SLC44A1: variants seen among roughly 807,000 people sequenced by gnomAD.
The protein encoded by SLC44A1 is solute carrier family 44 member 1.
In SLC44A1, 26 loss-of-function variants were observed where a neutral mutation model predicts 79.3. The observed-to-expected ratio is 0.33, with a 90% CI of 0.24 to 0.46. SLC44A1 has a LOEUF of 0.46. Among genes scored for constraint, SLC44A1 ranks in the 20% least tolerant of loss-of-function variants. SLC44A1 has a pLI of 1.00. For synonymous variants in SLC44A1, 263 were observed against 286.2 expected (o/e 0.92, Z 0.82); for missense variants, 688 against 798.1 (o/e 0.86, Z 1.66).
At chr9:105,281,293 CT>C (rs1459868102) in intron 1 of SLC44A1, among the ~76,000 whole-genome samples, 1 of 152,200 alleles carries the variant, frequency 6.6e-6, no homozygotes, top group Non-Finnish European at 1.5e-5. Context: ...CTGGTGCCTT[CT>C]TTTCTTTCCG....
At chr9:105,436,791 A>T (rs1829468831) in intron 15 of SLC44A1, among the ~76,000 whole-genome samples, 1 of 152,180 alleles carries the variant, frequency 6.6e-6, no homozygotes, top group Non-Finnish European at 1.5e-5. Flanking sequence ...GCACGTACTA[A>T]AATCTCAAGA....
rs1454917946 is a variant in SLC44A1 at position 105,394,520 on chromosome 9, AAAT to A, written c.*5466_*5468del. On this transcript the variant is annotated 3_prime_UTR_variant, in exon 16 of 16. Coordinates refer to ENST00000374720, the MANE Select transcript of SLC44A1 (RefSeq NM_080546.5). ...TATTTGCAGTGAGCCAAAAAAAAAAAAATATCCAAGAAGAAATAAATAGGGAAT... is the reference window on the plus strand; with the variant it reads ...TATTTGCAGTGAGCCAAAAAAAAAAAATCCAAGAAGAAATAAATAGGGAAT... The A allele has an allele frequency of 4.9e-4, 478 of 984,724 alleles. No homozygotes were observed. The highest frequency in any genetic ancestry group is 1.1e-3 in the Admixed American group (18 of 16,232). 61.0% of individuals were successfully genotyped at this position (984,724 alleles called of 1,614,324 possible).
chr9:105,392,335 T>A lies in SLC44A1; in HGVS notation c.*3279T>A. ...CTATAATGGTTAAGGAGGAGGCACT[T>A]ACTGAGTTTATTTTAAAGTTATGCT... On this transcript the variant is annotated 3_prime_UTR_variant, in exon 16 of 16. Transcript: ENST00000374720. 1.0e-6 allele frequency: 1 copy of A among 984,274 alleles called. No individual in the cohort carries two copies. The highest frequency in any genetic ancestry group is 1.2e-6 in the Non-Finnish European group (1 of 829,514). The allele number at this position is 984,274 out of a possible 1,614,324, so 61.0% of individuals were successfully genotyped here.
chr9:105,327,291 C>CT (rs879732192), intron 3 of SLC44A1, among the ~76,000 whole-genome samples: 7 of 151,252 alleles, frequency 4.6e-5, no homozygotes, highest in Admixed American at 6.6e-5. Context: ...TTTCTAACAT[C>CT]TTTTTTTTTG....
At chr9:105,247,396 C>G (rs1029079870) in intron 1 of SLC44A1, among the ~76,000 whole-genome samples, 1 of 152,120 alleles carries the variant, frequency 6.6e-6, no homozygotes, top group Non-Finnish European at 1.5e-5. Context: ...CTCCTGGGTT[C>G]GAGCGATTTT....
At chr9:105,273,685 T>C (rs1174458497) in intron 1 of SLC44A1, among the ~76,000 whole-genome samples, 2 of 152,200 alleles carry the variant, frequency 1.3e-5, no homozygotes, top group Non-Finnish European at 2.9e-5. Context: ...TCTGAGTTTT[T>C]TTTTTTACCT....
chr9:105,390,460 A>G lies in SLC44A1; in HGVS notation c.*1404A>G. Reference sequence around the variant, plus strand: ...AAAAAAAAAAAAAAAAAGCCTCAGCATTTTATCATTCCATGGAAGGAGAAT... The same window carrying G: ...AAAAAAAAAAAAAAAAAGCCTCAGCGTTTTATCATTCCATGGAAGGAGAAT... On this transcript the variant is annotated 3_prime_UTR_variant, in exon 16 of 16. Coordinates refer to ENST00000374720, the MANE Select transcript of SLC44A1 (RefSeq NM_080546.5). 3.3e-6 allele frequency: 3 copies of G among 916,306 alleles called. No individual in the cohort carries two copies. The highest frequency in any genetic ancestry group is 3.9e-6 in the Non-Finnish European group (3 of 772,336). The allele number at this position is 916,306 out of a possible 1,614,324, so 56.8% of individuals were successfully genotyped here. A position where few individuals can be genotyped will look rare whatever the true frequency, so the allele number is the denominator to read the frequency against.
intron 8 of SLC44A1, 50 bp downstream of exon 8, chr9:105,361,380 G>A (rs1827776530): frequency 6.6e-7 from 1 of 1,522,254 alleles, no homozygotes; most frequent in African/African-American, 1.4e-5. Context: ...TTGTTTGCAG[G>A]AGATCATTAA....
Position 105,391,864 on chromosome 9 carries a change from A to C in SLC44A1, c.*2808A>C. 1 of 985,322 alleles carries C rather than the reference A, an allele frequency of 1.0e-6. No homozygotes were observed. Among genetic ancestry groups the C allele is most frequent in the Non-Finnish European group, 1.2e-6 (1 of 829,902 alleles). 61.0% of individuals were successfully genotyped at this position (985,322 alleles called of 1,614,324 possible). ...TGTCTTCTTCTGTGGTGAATCTTCA[A>C]AACTGTATTCAGGACTCATATTTCT... On this transcript the variant is annotated 3_prime_UTR_variant, in exon 16 of 16. Transcript: ENST00000374720.
chr9:105,342,624 C>T (rs116567682), intron 4 of SLC44A1, among the ~76,000 whole-genome samples: 2,129 of 152,214 alleles, frequency 0.014, 45 homozygotes, highest in African/African-American at 0.047. Context: ...CTAATTCTGA[C>T]GCAGCATCTC....
At chr9:105,416,796 A>G (rs1829177365) in intron 15 of SLC44A1, among the ~76,000 whole-genome samples, 1 of 152,210 alleles carries the variant, frequency 6.6e-6, no homozygotes, top group Admixed American at 6.5e-5. Context: ...AATAGTTTAA[A>G]TTTAAGATTT....
At chr9:105,254,448 C>G (rs1013512170) in intron 1 of SLC44A1, among the ~76,000 whole-genome samples, 2 of 152,170 alleles carry the variant, frequency 1.3e-5, no homozygotes, top group African/African-American at 4.8e-5. Flanking sequence ...CAGGGCAACA[C>G]CGGAACAAAA....
chr9:105,420,875 A>G (rs1472179267), intron 15 of SLC44A1, among the ~76,000 whole-genome samples: 3 of 150,178 alleles, frequency 2.0e-5, no homozygotes, highest in African/African-American at 4.9e-5. Flanking sequence ...AAAAAAAAAA[A>G]AAAAAAAAAA....
intron 1 of SLC44A1, among the ~76,000 whole-genome samples, chr9:105,248,856 A>C (rs950554657): frequency 6.6e-6 from 1 of 152,264 alleles, no homozygotes; most frequent in Non-Finnish European, 1.5e-5. Context: ...TCCCATTGAC[A>C]AACCAGTTTG....
intron 1 of SLC44A1, among the ~76,000 whole-genome samples, chr9:105,294,059 G>A (rs570845084): frequency 5.9e-5 from 9 of 152,202 alleles, no homozygotes; most frequent in African/African-American, 2.2e-4. Context: ...TGCCAGCTGT[G>A]GTCTGACTTA....
intron 15 of SLC44A1, among the ~76,000 whole-genome samples, chr9:105,421,713 G>A (rs958241983): frequency 2.7e-5 from 4 of 150,616 alleles, no homozygotes; most frequent in Admixed American, 6.7e-5. Context: ...TCAGCCTCCC[G>A]AGTAGCTGGG....
chr9:105,346,144 G>C (rs1420174697), intron 4 of SLC44A1, among the ~76,000 whole-genome samples: 1 of 152,060 alleles, frequency 6.6e-6, no homozygotes, highest in African/African-American at 2.4e-5. Context: ...TCAACCCTTT[G>C]AGCAGGAAGC....
rs558524217 is a variant in SLC44A1, at chr9:105,277,828, CAAAAT to C, written c.37-21387_37-21383del. On this transcript the variant is annotated intron_variant, in intron 1 of 15. Coordinates refer to ENST00000374720, the MANE Select transcript of SLC44A1 (RefSeq NM_080546.5). Reference sequence around the variant, plus strand: ...TTGTTGACACAAGAGTACTAAAAAACAAAATAAAACAAGAGCCAGCACAGTCAACT... The same window carrying C: ...TTGTTGACACAAGAGTACTAAAAAACAAAACAAGAGCCAGCACAGTCAACT... 1.7e-3 allele frequency among the ~76,000 whole-genome samples: 265 copies of C among 152,218 alleles called. 1 individual carries two copies. Among genetic ancestry groups the C allele is most frequent in the Middle Eastern group, 0.01 (3 of 294 alleles).
At chr9:105,377,394 C>T (rs1174360535) in intron 13 of SLC44A1, among the ~76,000 whole-genome samples, 1 of 152,076 alleles carries the variant, frequency 6.6e-6, no homozygotes, top group Non-Finnish European at 1.5e-5. Flanking sequence ...CAAACCCCTA[C>T]CCCACTTTAT....
Sources: gnomAD v4.1 joint callset for allele counts (sites outside exome capture counted in the v4.1 genomes callset) on GRCh38, gnomAD v4.1.1 for gene constraint, MANE v1.5 for transcripts, NCBI Gene and HGNC (gene_info 2026-07-23, HGNC 2026-07-21) for gene names.